Variants in DNAH5 observed in about 807,000 individuals in gnomAD.
DNAH5 encodes the protein axonemal beta dynein heavy chain 5.
A neutral mutation model predicts 518.2 loss-of-function variants in DNAH5; 372 were observed. The observed-to-expected ratio is 0.72, with a 90% CI of 0.66 to 0.78. The LOEUF (loss-of-function observed/expected upper bound fraction) is 0.78. DNAH5 is among the 30% of genes least tolerant of loss of function. DNAH5 has a pLI of 0.00. For synonymous variants in DNAH5, 2,039 were observed against 2,025.9 expected (o/e 1.01, Z -0.17); for missense variants, 5,523 against 5,687.0 (o/e 0.97, Z 0.93).
intron 73 of DNAH5, 53 bp from the exon 74 acceptor site, chr5:13,716,743 T>C (rs1744332878): frequency 7.0e-6 from 9 of 1,277,262 alleles, no homozygotes; most frequent in Non-Finnish European, 1.0e-5. Flanking sequence ...TGCATTATTA[T>C]TTCCCTGCCA....
chr5:13,791,957 C>T, intron 50 of DNAH5, 37 bp downstream of exon 50: 3 of 1,447,294 alleles, frequency 2.1e-6, no homozygotes, highest in South Asian at 2.3e-5. Flanking sequence ...TCATTAATAG[C>T]AATGTTATTT....
chr5:13,716,775 T>G (rs1487414151), intron 73 of DNAH5, 85 bp from the exon 74 acceptor site: 10 of 870,190 alleles, frequency 1.1e-5, no homozygotes, highest in Non-Finnish European at 1.9e-5. Context: ...TGTATTCACT[T>G]TCAACATCAT....
intron 42 of DNAH5, among the ~76,000 whole-genome samples, chr5:13,816,790 T>A (rs974182269): frequency 2.0e-5 from 3 of 152,172 alleles, no homozygotes; most frequent in Non-Finnish European, 2.9e-5. Context: ...CTTTAAACAT[T>A]TTTCAGAAGG....
intron 5 of DNAH5, among the ~76,000 whole-genome samples, chr5:13,921,900 C>A (rs766578227): frequency 6.6e-6 from 1 of 152,140 alleles, no homozygotes; most frequent in Non-Finnish European, 1.5e-5. Context: ...TTTTATGGAA[C>A]CCCTGAATGT....
At position 13,900,360 on chromosome 5, in the gene DNAH5, C is replaced by A. The variant is rs1774437195; in HGVS notation, c.2105G>T (p.Gly702Val). Residue 702 changes from glycine to valine, a missense_variant, in exon 15 of 79, where the codon GGC becomes GTC. Gly to Val is a moderately radical substitution (Grantham distance 109, BLOSUM62 -3). This residue lies in a region of DNAH5 where 5,121 missense variants were observed against 5,223.3 expected (regional missense o/e 0.98). Coordinates refer to ENST00000265104, the MANE Select transcript of DNAH5 (RefSeq NM_001369.3). ...LEASLLVKAP[G>V]TGELFVNFDP... ...AAAGTTTACAAACAATTCCCCTGTG[C>A]CTGGAGCCTTCACCAATAATGAAGC... The A allele has an allele frequency of 3.1e-6, 5 of 1,614,042 alleles. No individual in the cohort carries two copies. Among genetic ancestry groups the A allele is most frequent in the African/African-American group, 2.7e-5 (2 of 74,932 alleles).
chr5:13,737,120 C>T (rs971274376), intron 66 of DNAH5, 132 bp downstream of exon 66: 4 of 1,448,416 alleles, frequency 2.8e-6, no homozygotes, highest in Admixed American at 1.7e-5. Context: ...TATTTCCCAA[C>T]AGAAATTCCA....
chr5:13,723,604 C>T (rs1452203879), intron 70 of DNAH5, among the ~76,000 whole-genome samples: 2 of 152,190 alleles, frequency 1.3e-5, no homozygotes, highest in African/African-American at 2.4e-5. Context: ...TGCAACTATT[C>T]AACTCCGCCA....
chr5:13,982,837 C>A (rs1195316981), intron 1 of DNAH5, among the ~76,000 whole-genome samples: 2 of 152,362 alleles, frequency 1.3e-5, no homozygotes, highest in African/African-American at 2.4e-5. Context: ...AGCAGGAAGA[C>A]CATGGCAAGG....
chr5:13,863,099 T>C (rs935630649), intron 28 of DNAH5, among the ~76,000 whole-genome samples: 2 of 152,176 alleles, frequency 1.3e-5, no homozygotes, highest in Non-Finnish European at 2.9e-5. Flanking sequence ...CTGATCTACC[T>C]CTAAAGTCAA....
At chr5:13,920,340 A>G in intron 6 of DNAH5, 140 bp downstream of exon 6, 1 of 1,128,890 alleles carries the variant, frequency 8.9e-7, no homozygotes, top group Non-Finnish European at 1.3e-6. Flanking sequence ...GTAAAGGAAA[A>G]CCACATTGGA....
At chr5:13,713,372 T>C (rs532523914) in intron 75 of DNAH5, among the ~76,000 whole-genome samples, 10 of 139,876 alleles carry the variant, frequency 7.1e-5, no homozygotes, top group African/African-American at 2.2e-4. Context: ...CATATATATA[T>C]ACCGACATAT....
rs779435246 is a variant in DNAH5 at position 13,769,047 on chromosome 5, C to A, written c.9810G>T (p.Val3270=). The part of the protein sequence containing the change: ...QKVKDRAQAI[V]DSISKDKAIA... Reference sequence around the variant, plus strand: ...TGGCTTTGTCTTTAGAGATGCTGTCCACAATGGCCTGGGCCCTGTCCTTCA... The same window carrying A: ...TGGCTTTGTCTTTAGAGATGCTGTCAACAATGGCCTGGGCCCTGTCCTTCA... The change falls in exon 58 of 79, where the codon GTG becomes GTT. Residue 3270 remains valine, a synonymous_variant. Coordinates refer to ENST00000265104, the MANE Select transcript of DNAH5 (RefSeq NM_001369.3). 1 of 1,614,202 alleles carries A rather than the reference C, an allele frequency of 6.2e-7. No individual in the cohort carries two copies. The highest frequency in any genetic ancestry group is 1.1e-5 in the South Asian group (1 of 91,086).
In DNAH5 at chr5:13,868,003, A is replaced by T. The variant is rs753116284; in HGVS notation, c.3835-11T>A. On this transcript the variant is annotated splice_polypyrimidine_tract_variant and intron_variant, in intron 24 of 78. Coordinates refer to ENST00000265104, the MANE Select transcript of DNAH5 (RefSeq NM_001369.3). ...CAGGGCATAAGATTCCTAAAAAAAAATAGGAAAAACTTAATTTTGGCCAGT... is the reference window on the plus strand; with the variant it reads ...CAGGGCATAAGATTCCTAAAAAAAATTAGGAAAAACTTAATTTTGGCCAGT... 8 of 1,449,762 alleles carry T rather than the reference A, an allele frequency of 5.5e-6. No homozygotes were observed. The highest frequency in any genetic ancestry group is 7.7e-6 in the Non-Finnish European group (8 of 1,032,486). 89.8% of individuals were successfully genotyped at this position (1,449,762 alleles called of 1,614,324 possible).
chr5:13,826,775 CT>C (rs1196005684), intron 38 of DNAH5, among the ~76,000 whole-genome samples: 1 of 152,086 alleles, frequency 6.6e-6, no homozygotes, highest in Non-Finnish European at 1.5e-5. Context: ...ATAAAGATAC[CT>C]GAAAATGTGG....
At chr5:13,859,430 A>G in intron 30 of DNAH5, 22 bp downstream of exon 30, 1 of 1,613,832 alleles carries the variant, frequency 6.2e-7, no homozygotes, top group African/African-American at 1.3e-5. Flanking sequence ...ATCTGATGAA[A>G]TCATAAAGAA....
intron 1 of DNAH5, among the ~76,000 whole-genome samples, chr5:13,943,777 T>A (rs952134658): frequency 6.6e-6 from 1 of 152,212 alleles, no homozygotes; most frequent in Non-Finnish European, 1.5e-5. Context: ...GGTTAATGGT[T>A]GAGAACTGAG....
chr5:13,869,143 C>T (rs551183751), intron 24 of DNAH5, among the ~76,000 whole-genome samples: 1 of 152,024 alleles, frequency 6.6e-6, no homozygotes, highest in Non-Finnish European at 1.5e-5. Flanking sequence ...TCCCCCTGGC[C>T]CAACACAGCA....
At chr5:13,759,545 AC>A (rs1561191728) in intron 60 of DNAH5, among the ~76,000 whole-genome samples, 1 of 152,240 alleles carries the variant, frequency 6.6e-6, no homozygotes, top group Non-Finnish European at 1.5e-5. Flanking sequence ...ATAAATATCT[AC>A]GTTTTGTGTA....
In DNAH5 at chr5:13,900,333, T is replaced by C; in HGVS notation, c.2132A>G (p.Asp711Gly). 1 of 1,614,082 alleles carries C rather than the reference T, an allele frequency of 6.2e-7. No homozygotes were observed. The highest frequency in any genetic ancestry group is 8.5e-7 in the Non-Finnish European group (1 of 1,179,996). The part of the protein sequence containing the change: ...PGTGELFVNF[D>G]PQILILFRET... ...TCTAAATAAGATTAATATCTGAGGGTCAAAGTTTACAAACAATTCCCCTGT... is the reference window on the plus strand; with the variant it reads ...TCTAAATAAGATTAATATCTGAGGGCCAAAGTTTACAAACAATTCCCCTGT... Residue 711 changes from aspartate to glycine, a missense_variant, in exon 15 of 79, where the codon GAC (aspartate) becomes GGC (glycine). Physicochemically the swap from Asp to Gly is moderately conservative, Grantham distance 94. This residue lies in a region of DNAH5 where 5,121 missense variants were observed against 5,223.3 expected (regional missense o/e 0.98). Transcript: ENST00000265104.
Sources: allele counts gnomAD v4.1 joint callset (sites outside exome capture counted in the v4.1 genomes callset), GRCh38; gene constraint gnomAD v4.1.1; regional missense constraint gnomAD v4.1.1; transcripts MANE v1.5; gene names NCBI Gene and HGNC (gene_info 2026-07-23, HGNC 2026-07-21).